The following SPOCK1 variants were observed in gnomAD, a reference collection of about 807,000 sequenced individuals.
The protein encoded by SPOCK1 is testican-1.
Under a neutral mutation model 55.3 loss-of-function variants are expected in SPOCK1, and 23 were observed. That is an observed-to-expected ratio of 0.42 (90% CI 0.30 to 0.59). The LOEUF (loss-of-function observed/expected upper bound fraction) is 0.59. Among genes scored for constraint, SPOCK1 ranks in the 20% least tolerant of loss-of-function variants. The pLI is 0.22. For synonymous variants in SPOCK1, 226 were observed against 221.0 expected, an observed-to-expected ratio of 1.02 and a Z score of -0.20; for missense variants, 499 against 552.5, an observed-to-expected ratio of 0.90 and a Z score of 0.97.
chr5:137,109,063 C>T (rs902210999), intron 5 of SPOCK1, among the ~76,000 whole-genome samples: 2 of 152,160 alleles, frequency 1.3e-5, no homozygotes, highest in African/African-American at 2.4e-5. Flanking sequence ...GCTCCTCCTG[C>T]GAATGAGTGG....
At chr5:137,116,442 C>T (rs1382170883) in intron 4 of SPOCK1, among the ~76,000 whole-genome samples, 1 of 151,916 alleles carries the variant, frequency 6.6e-6, no homozygotes, top group East Asian at 1.9e-4. Context: ...GTCAGGAGTT[C>T]GAGACCAGCC....
At chr5:137,091,278 A>G (rs1469871683) in intron 5 of SPOCK1, among the ~76,000 whole-genome samples, 1 of 152,198 alleles carries the variant, frequency 6.6e-6, no homozygotes, top group Admixed American at 6.5e-5. Context: ...GCTGCTAAGC[A>G]CAGTAGTAGG....
chr5:137,386,015 TA>T (rs1329238337), intron 2 of SPOCK1, among the ~76,000 whole-genome samples: 2 of 152,210 alleles, frequency 1.3e-5, no homozygotes, highest in Non-Finnish European at 2.9e-5. Flanking sequence ...TGGTGGCTAA[TA>T]AGCAATTACA....
intron 5 of SPOCK1, among the ~76,000 whole-genome samples, chr5:137,104,128 T>C (rs1252977493): frequency 6.6e-6 from 1 of 152,184 alleles, no homozygotes; most frequent in Non-Finnish European, 1.5e-5. Flanking sequence ...TAATCCCCAG[T>C]GTTGGAGGTG....
At chr5:137,077,433 G>A (rs553726965) in intron 5 of SPOCK1, among the ~76,000 whole-genome samples, 8 of 152,324 alleles carry the variant, frequency 5.3e-5, no homozygotes, top group Admixed American at 1.3e-4. Flanking sequence ...GGTGCTGACC[G>A]GCAGGGAAGA....
At chr5:137,473,555 T>C (rs775709561) in intron 2 of SPOCK1, among the ~76,000 whole-genome samples, 4 of 152,208 alleles carry the variant, frequency 2.6e-5, no homozygotes, top group Non-Finnish European at 4.4e-5. Flanking sequence ...TATATAGTTT[T>C]GATTTTGAAC....
At chr5:137,230,229 A>T (rs1030719770) in intron 3 of SPOCK1, among the ~76,000 whole-genome samples, 1 of 152,222 alleles carries the variant, frequency 6.6e-6, no homozygotes, top group African/African-American at 2.4e-5. Flanking sequence ...AACTTTGTGC[A>T]AGAGCCTTGT....
At chr5:137,451,071 C>T (rs944213778) in intron 2 of SPOCK1, among the ~76,000 whole-genome samples, 4 of 152,224 alleles carry the variant, frequency 2.6e-5, no homozygotes, top group East Asian at 1.9e-4. Flanking sequence ...TGATAATCCC[C>T]GCACCTGGCC....
At chr5:137,118,848 T>A (rs1753638605) in intron 4 of SPOCK1, among the ~76,000 whole-genome samples, 1 of 152,236 alleles carries the variant, frequency 6.6e-6, no homozygotes, top group Non-Finnish European at 1.5e-5. Context: ...GTTTTCGCTC[T>A]GCATATGAAC....
intron 6 of SPOCK1, among the ~76,000 whole-genome samples, chr5:137,040,223 C>A (rs1212350758): frequency 6.6e-6 from 1 of 152,234 alleles, no homozygotes; most frequent in African/African-American, 2.4e-5. Flanking sequence ...GCCCACCCAG[C>A]AATCCGAAGA....
intron 3 of SPOCK1, among the ~76,000 whole-genome samples, chr5:137,167,617 C>A (rs1754674161): frequency 6.7e-6 from 1 of 149,696 alleles, no homozygotes; most frequent in Non-Finnish European, 1.5e-5. Flanking sequence ...TAGTATCAAG[C>A]ATCTTCTCTG....
chr5:137,465,169 G>A (rs7733956), intron 2 of SPOCK1, among the ~76,000 whole-genome samples: 85 of 152,244 alleles, frequency 5.6e-4, no homozygotes, highest in African/African-American at 1.8e-3. Context: ...CCTCCACAAG[G>A]AAGATATAAG....
rs115724800 is a variant in SPOCK1 at position 137,395,140 on chromosome 5, A to G, written c.186+103233T>C. ...TGTACACCAATGACATGGTCCCAGAACACTGCATTTCTGCAGCTTGGAAGG... is the reference window on the plus strand; with the variant it reads ...TGTACACCAATGACATGGTCCCAGAGCACTGCATTTCTGCAGCTTGGAAGG... On this transcript the variant is annotated intron_variant, in intron 2 of 10. Coordinates refer to ENST00000394945, the MANE Select transcript of SPOCK1 (RefSeq NM_004598.4). Among the ~76,000 whole-genome samples the G allele has an allele frequency of 4.9e-3, 742 of 152,342 alleles. 11 individuals are homozygous for G. Among genetic ancestry groups the G allele is most frequent in the African/African-American group, 0.017 (717 of 41,576 alleles).
At chr5:137,325,947 TG>T (rs766658028) in intron 2 of SPOCK1, among the ~76,000 whole-genome samples, 2 of 152,206 alleles carry the variant, frequency 1.3e-5, no homozygotes, top group African/African-American at 2.4e-5. Context: ...CTTTTGGTTC[TG>T]ATTGATATCA....
chr5:137,317,707 T>C (rs538575693), intron 2 of SPOCK1, among the ~76,000 whole-genome samples: 1 of 152,204 alleles, frequency 6.6e-6, no homozygotes, highest in African/African-American at 2.4e-5. Context: ...TTCACAGAAA[T>C]AAAACATTAC....
intron 5 of SPOCK1, among the ~76,000 whole-genome samples, chr5:137,069,635 T>C (rs1196739713): frequency 1.3e-5 from 2 of 152,120 alleles, no homozygotes; most frequent in Non-Finnish European, 2.9e-5. Context: ...GTCACTAGCA[T>C]GAGGAGCTTC....
intron 3 of SPOCK1, among the ~76,000 whole-genome samples, chr5:137,246,815 C>G (rs1242990194): frequency 6.7e-6 from 1 of 149,908 alleles, no homozygotes; most frequent in Admixed American, 6.7e-5. Context: ...AACCCCAAAA[C>G]AAGCTGAAAA....
chr5:137,474,239 G>GA (rs199645459), intron 2 of SPOCK1, among the ~76,000 whole-genome samples: 56 of 150,356 alleles, frequency 3.7e-4, no homozygotes, highest in African/African-American at 1.2e-3. Context: ...AAAGAAAAAA[G>GA]AAAAAAAAAG....
At chr5:136,984,889 G>C (rs1239846828) in intron 9 of SPOCK1, among the ~76,000 whole-genome samples, 2 of 152,230 alleles carry the variant, frequency 1.3e-5, no homozygotes, top group African/African-American at 4.8e-5. Context: ...GGAGGAGTTA[G>C]CAGTGGGGAA....
Sources: gnomAD v4.1 joint callset for allele counts (sites outside exome capture counted in the v4.1 genomes callset) on GRCh38, gnomAD v4.1.1 for gene constraint, MANE v1.5 for transcripts, NCBI Gene and HGNC (gene_info 2026-07-23, HGNC 2026-07-21) for gene names.